KCNQ1: variants seen among roughly 807,000 people sequenced by gnomAD.
KCNQ1 encodes the protein potassium voltage-gated channel subfamily Q member 1.
A neutral mutation model predicts 72.4 loss-of-function variants in KCNQ1; 49 were observed. The observed-to-expected ratio is 0.68, with a 90% confidence interval of 0.54 to 0.86. The LOEUF is 0.86. Ranked by LOEUF, KCNQ1 falls within the 40% of genes least tolerant of loss-of-function variation. The pLI is 0.00. For missense variants in KCNQ1, 790 were observed against 945.1 expected (o/e 0.84, Z 2.15); for synonymous variants, 450 against 412.6 (o/e 1.09, Z -1.10).
In KCNQ1 at chr11:2,659,261, A is replaced by G. The variant is rs1298048141; in HGVS notation, c.1394-2700A>G. On this transcript the variant is annotated intron_variant, in intron 10 of 15. Coordinates refer to ENST00000155840, the MANE Select transcript of KCNQ1 (RefSeq NM_000218.3). The surrounding 1 kb of genome is among the most constrained non-coding windows in gnomAD (Gnocchi z 4.3). ...CCCTGGGGTGAGTCTTTTGAAGTCA[A>G]GTACTTCTCCCCTAACCACTGGCAG... The G allele has an allele frequency of 7.5e-6, 3 of 398,512 alleles. No individual in the cohort carries two copies. The highest frequency in any genetic ancestry group is 6.2e-5 in the African/African-American group (3 of 48,640). 24.7% of individuals were successfully genotyped at this position (398,512 alleles called of 1,614,324 possible). A position where few individuals can be genotyped will look rare whatever the true frequency, so the allele number is the denominator to read the frequency against.
intron 11 of KCNQ1, among the ~76,000 whole-genome samples, chr11:2,707,518 A>G (rs1850930230): frequency 6.6e-6 from 1 of 151,520 alleles, no homozygotes; most frequent in South Asian, 2.1e-4. Context: ...CTGGGCCGTC[A>G]GTTCATAGGT....
rs1846554435 is a variant in KCNQ1 at position 2,475,327 on chromosome 11, C to T, written c.386+29843C>T. Among the ~76,000 whole-genome samples the T allele has an allele frequency of 6.6e-6, 1 of 152,172 alleles. No homozygotes were observed. The highest frequency in any genetic ancestry group is 2.1e-4 in the South Asian group (1 of 4,832). On this transcript the variant is annotated intron_variant, in intron 1 of 15. Transcript: ENST00000155840. The surrounding 1 kb of genome is among the most constrained non-coding windows in gnomAD (Gnocchi z 5.8). Reference sequence around the variant, plus strand: ...ACACGCAAGGGAATTCCCTTCCTTTCTGAGCTGAGTAGTGGTCTGTGGTGT... The same window carrying T: ...ACACGCAAGGGAATTCCCTTCCTTTTTGAGCTGAGTAGTGGTCTGTGGTGT...
intron 1 of KCNQ1, among the ~76,000 whole-genome samples, chr11:2,499,333 A>G (rs1332615159): frequency 2.0e-5 from 3 of 152,242 alleles, no homozygotes; most frequent in African/African-American, 7.2e-5. Context: ...AAAGCAAGAA[A>G]TTAAAGCATG....
intron 2 of KCNQ1, among the ~76,000 whole-genome samples, chr11:2,552,035 T>C (rs958838454): frequency 2.6e-5 from 4 of 152,226 alleles, no homozygotes; most frequent in Admixed American, 6.5e-5. Context: ...CAGTCATGGC[T>C]TTGTCTTTGC....
rs1169797479 is a variant in KCNQ1, at chr11:2,463,138, G to A, written c.386+17654G>A. Among the ~76,000 whole-genome samples the A allele has an allele frequency of 3.3e-5, 5 of 152,126 alleles. No individual in the cohort carries two copies. Among genetic ancestry groups the A allele is most frequent in the Non-Finnish European group, 7.4e-5 (5 of 68,012 alleles). ...GGGGTGGATTCCAGGATTCCGGGTTGTGCTTGGTCAGAGTGGGGAACTGGA... is the reference window on the plus strand; with the variant it reads ...GGGGTGGATTCCAGGATTCCGGGTTATGCTTGGTCAGAGTGGGGAACTGGA... On this transcript the variant is annotated intron_variant, in intron 1 of 15. Transcript: ENST00000155840. The surrounding 1 kb of genome is among the most constrained non-coding windows in gnomAD (Gnocchi z 7.0).
intron 11 of KCNQ1, among the ~76,000 whole-genome samples, chr11:2,744,611 G>A (rs1193862496): frequency 6.6e-6 from 1 of 152,220 alleles, no homozygotes; most frequent in Non-Finnish European, 1.5e-5. Context: ...GGATAAAAAA[G>A]AGGACAAAAG....
At chr11:2,774,932 C>A (rs888476833) in intron 12 of KCNQ1, among the ~76,000 whole-genome samples, 2 of 152,184 alleles carry the variant, frequency 1.3e-5, no homozygotes, top group Admixed American at 6.5e-5. Flanking sequence ...GGCCCTGCCC[C>A]ACCCCTCCCC....
chr11:2,708,466 G>A (rs1209213825), intron 11 of KCNQ1, among the ~76,000 whole-genome samples: 1 of 152,192 alleles, frequency 6.6e-6, no homozygotes, highest in Non-Finnish European at 1.5e-5. Context: ...AGGAGGGTGG[G>A]GCTGAGGAGG....
Position 2,651,553 on chromosome 11 carries a change from T to C in KCNQ1, c.1394-10408T>C, listed in dbSNP as rs1849756730. 1 of 398,432 alleles carries C rather than the reference T, an allele frequency of 2.5e-6. No homozygotes were observed. The highest frequency in any genetic ancestry group is 4.4e-6 in the Non-Finnish European group (1 of 226,072). 24.7% of individuals were successfully genotyped at this position (398,432 alleles called of 1,614,324 possible). A position where few individuals can be genotyped will look rare whatever the true frequency, so the allele number is the denominator to read the frequency against. ...ATGAGTGTGTCCCTGAGAACATGGATATTGTGTTCTTTACCTCCATGTCTC... is the reference window on the plus strand; with the variant it reads ...ATGAGTGTGTCCCTGAGAACATGGACATTGTGTTCTTTACCTCCATGTCTC... On this transcript the variant is annotated intron_variant, in intron 10 of 15. Transcript: ENST00000155840. The surrounding 1 kb of genome is among the most constrained non-coding windows in gnomAD (Gnocchi z 6.1).
chr11:2,844,335 C>G (rs1848275516), intron 15 of KCNQ1, among the ~76,000 whole-genome samples: 2 of 152,222 alleles, frequency 1.3e-5, no homozygotes, highest in South Asian at 2.1e-4. Context: ...CATCCTGGCC[C>G]ACCCCCGGGG....
intron 6 of KCNQ1, among the ~76,000 whole-genome samples, chr11:2,580,286 G>GT (rs1848480181): frequency 6.6e-6 from 1 of 151,978 alleles, no homozygotes; most frequent in South Asian, 2.1e-4. Context: ...AGGCCTCTTG[G>GT]TCTCAGGGCC....
chr11:2,458,902 A>G lies in KCNQ1; in HGVS notation c.386+13418A>G, dbSNP rs1043505804. 2.0e-5 allele frequency among the ~76,000 whole-genome samples: 3 copies of G among 152,216 alleles called. No individual in the cohort carries two copies. Among genetic ancestry groups the G allele is most frequent in the Non-Finnish European group, 4.4e-5 (3 of 68,030 alleles). On this transcript the variant is annotated intron_variant, in intron 1 of 15. Coordinates refer to ENST00000155840, the MANE Select transcript of KCNQ1 (RefSeq NM_000218.3). This position sits in a 1 kb window ranked among gnomAD's most constrained non-coding sequence, Gnocchi z 4.6. Reference sequence around the variant, plus strand: ...GAATCACCTATCCACCAATTGTGACATATGGCCTTAGTTAGGTCCTCAATA... The same window carrying G: ...GAATCACCTATCCACCAATTGTGACGTATGGCCTTAGTTAGGTCCTCAATA...
Position 2,663,862 on chromosome 11 carries a change from T to C in KCNQ1, c.1514+1781T>C, listed in dbSNP as rs74046839. Reference sequence around the variant, plus strand: ...TGCCAAGCTCCCTGGAGCCAGAGGTTACCCACCTGCCCAAGGGTGACCCCA... The same window carrying C: ...TGCCAAGCTCCCTGGAGCCAGAGGTCACCCACCTGCCCAAGGGTGACCCCA... On this transcript the variant is annotated intron_variant, in intron 11 of 15. Transcript: ENST00000155840. The surrounding 1 kb of genome is among the most constrained non-coding windows in gnomAD (Gnocchi z 5.2). The C allele has an allele frequency of 4.6e-3, 1,818 of 398,640 alleles. 25 individuals carry two copies. Among genetic ancestry groups the C allele is most frequent in the African/African-American group, 0.034 (1,659 of 48,738 alleles). The allele number at this position is 398,640 out of a possible 1,614,324, so 24.7% of individuals were successfully genotyped here. A position where few individuals can be genotyped will look rare whatever the true frequency, so the allele number is the denominator to read the frequency against.
intron 15 of KCNQ1, among the ~76,000 whole-genome samples, chr11:2,788,410 C>T (rs1846953631): frequency 6.6e-6 from 1 of 152,190 alleles, no homozygotes; most frequent in Non-Finnish European, 1.5e-5. Flanking sequence ...GCAGGCAGGA[C>T]ACACTTCCAG....
At chr11:2,628,689 C>T (rs1318418781) in intron 10 of KCNQ1, 1 of 398,150 alleles carries the variant, frequency 2.5e-6, no homozygotes, top group African/African-American at 2.1e-5. Flanking sequence ...CTTTTGATGT[C>T]ACATCTAAAA....
chr11:2,492,558 G>T lies in KCNQ1; in HGVS notation c.387-35370G>T, dbSNP rs1846853093. Among the ~76,000 whole-genome samples, 1 of 152,068 alleles carries T rather than the reference G, an allele frequency of 6.6e-6. No individual in the cohort carries two copies. The highest frequency in any genetic ancestry group is 2.4e-5 in the African/African-American group (1 of 41,398). ...CCCGGTGTGTGATGTTCCCCTCCCT[G>T]TGTCCGTGTATTCTCATTGTTCAAC... is the stretch of plus-strand genomic sequence containing the variant. On this transcript the variant is annotated intron_variant, in intron 1 of 15. Transcript: ENST00000155840. The surrounding 1 kb of genome is among the most constrained non-coding windows in gnomAD (Gnocchi z 4.1).
rs1216242499 is a variant in KCNQ1, at chr11:2,567,568, G to C, written c.478-3060G>C. Reference sequence around the variant, plus strand: ...GTGGTGGAGATAGTTTTATCTCTGAGCAAACATTCCATCTTGCTGTTTCCA... The same window carrying C: ...GTGGTGGAGATAGTTTTATCTCTGACCAAACATTCCATCTTGCTGTTTCCA... On this transcript the variant is annotated intron_variant, in intron 2 of 15. Transcript: ENST00000155840. This position sits in a 1 kb window ranked among gnomAD's most constrained non-coding sequence, Gnocchi z 6.6. 1.3e-5 allele frequency among the ~76,000 whole-genome samples: 2 copies of C among 152,204 alleles called. No individual in the cohort carries two copies. The highest frequency in any genetic ancestry group is 2.4e-5 in the African/African-American group (1 of 41,448).
chr11:2,604,719 T>C (rs1564831016), intron 10 of KCNQ1, among the ~76,000 whole-genome samples: 1 of 151,870 alleles, frequency 6.6e-6, no homozygotes, highest in Non-Finnish European at 1.5e-5. Context: ...TAATTTTTTG[T>C]ATTTTAGTAG....
In KCNQ1 at chr11:2,659,111, T is replaced by TTTTTTAAA; in HGVS notation, c.1394-2846_1394-2839dup. ...TAGGGTCCTCCAACATCCGGGTTAA[T>TTTTTTAAA]TTTTTAAATTTGCATACAGTAAAAT... On this transcript the variant is annotated intron_variant, in intron 10 of 15. Transcript: ENST00000155840. The surrounding 1 kb of genome is among the most constrained non-coding windows in gnomAD (Gnocchi z 4.3). 3 of 398,636 alleles carry TTTTTTAAA rather than the reference T, an allele frequency of 7.5e-6. No individual in the cohort carries two copies. The highest frequency in any genetic ancestry group is 1.3e-5 in the Non-Finnish European group (3 of 226,050). The allele number at this position is 398,636 out of a possible 1,614,324, so 24.7% of individuals were successfully genotyped here.
Sources: allele counts gnomAD v4.1 joint callset (sites outside exome capture counted in the v4.1 genomes callset), GRCh38; gene constraint gnomAD v4.1.1; non-coding constraint Gnocchi (gnomAD v3.1); transcripts MANE v1.5; gene names NCBI Gene and HGNC (gene_info 2026-07-23, HGNC 2026-07-21).